The following SNX29 variants were observed in gnomAD, a reference collection of about 807,000 sequenced individuals.
SNX29 encodes the protein sorting nexin 29.
Under a neutral mutation model 102.1 loss-of-function variants are expected in SNX29, and 78 were observed. The observed-to-expected ratio is 0.76, with a 90% CI of 0.64 to 0.92. The LOEUF is 0.92. Among genes scored for constraint, SNX29 ranks in the 40% least tolerant of loss-of-function variants. The probability of loss-of-function intolerance (pLI) is 0.00; values close to 1 mark genes in which losing one functional copy is unlikely to be tolerated. For missense variants in SNX29, 1,280 were observed against 1,061.7 expected (o/e 1.21, Z -2.86); for synonymous variants, 580 against 414.5 (o/e 1.40, Z -4.85).
intron 20 of SNX29, among the ~76,000 whole-genome samples, chr16:12,543,944 C>T (rs574200763): frequency 7.2e-5 from 11 of 152,280 alleles, no homozygotes; most frequent in South Asian, 2.1e-4. Flanking sequence ...TCGTTCTAAG[C>T]GAGGAGCCTA....
At chr16:12,231,934 T>G (rs2077782610) in intron 14 of SNX29, among the ~76,000 whole-genome samples, 1 of 152,258 alleles carries the variant, frequency 6.6e-6, no homozygotes, top group African/African-American at 2.4e-5. Context: ...GCTCATTTCC[T>G]TGGCCTATGT....
chr16:12,553,795 T>G (rs111330975), intron 20 of SNX29, among the ~76,000 whole-genome samples: 11 of 151,822 alleles, frequency 7.2e-5, no homozygotes, highest in African/African-American at 2.7e-4. Context: ...ACCATGTTGG[T>G]CAGGCTAGTC....
At chr16:12,264,842 A>C (rs1567374017) in intron 14 of SNX29, among the ~76,000 whole-genome samples, 1 of 151,730 alleles carries the variant, frequency 6.6e-6, no homozygotes, top group Non-Finnish European at 1.5e-5. Flanking sequence ...TCCATATCCC[A>C]GGGCACAACA....
chr16:12,333,019 A>C (rs1382788188), intron 15 of SNX29, among the ~76,000 whole-genome samples: 3 of 152,120 alleles, frequency 2.0e-5, no homozygotes, highest in Non-Finnish European at 4.4e-5. Flanking sequence ...AAGGGAGGAA[A>C]GAATGAAGGG....
chr16:12,037,128 C>T (rs1339019420), intron 4 of SNX29, among the ~76,000 whole-genome samples: 1 of 152,140 alleles, frequency 6.6e-6, no homozygotes, highest in African/African-American at 2.4e-5. Flanking sequence ...TCGGCACACT[C>T]CCTCCTTACG....
intron 14 of SNX29, among the ~76,000 whole-genome samples, chr16:12,275,704 T>G (rs78522088): frequency 1.3e-5 from 2 of 151,546 alleles, no homozygotes; most frequent in Non-Finnish European, 2.9e-5. Context: ...TTTTTTTTTT[T>G]TGTGAGCGAT....
intron 20 of SNX29, among the ~76,000 whole-genome samples, chr16:12,554,966 G>GA (rs1329506190): frequency 2.7e-5 from 4 of 150,110 alleles, no homozygotes; most frequent in Non-Finnish European, 5.9e-5. Flanking sequence ...TGGAGGTGGT[G>GA]AGGGGGGTCA....
chr16:12,255,017 A>C (rs1262206465), intron 14 of SNX29, among the ~76,000 whole-genome samples: 2 of 152,184 alleles, frequency 1.3e-5, no homozygotes, highest in African/African-American at 2.4e-5. Context: ...CATCAGCTGT[A>C]TTGAAGTATC....
At chr16:12,509,608 T>G (rs1436939481) in intron 19 of SNX29, among the ~76,000 whole-genome samples, 4 of 152,192 alleles carry the variant, frequency 2.6e-5, no homozygotes, top group Non-Finnish European at 5.9e-5. Flanking sequence ...TTTTTTCTCT[T>G]TGGACCTCAG....
intron 18 of SNX29, among the ~76,000 whole-genome samples, chr16:12,412,514 A>G (rs1349053648): frequency 6.6e-6 from 1 of 152,160 alleles, no homozygotes; most frequent in African/African-American, 2.4e-5. Context: ...CACGGGAGAG[A>G]GCGCTGCAAA....
chr16:12,373,851 A>G (rs907788126), intron 16 of SNX29: 4 of 152,222 alleles, frequency 2.6e-5, no homozygotes, highest in Admixed American at 6.5e-5. Context: ...GATGGTCAAC[A>G]CTGCTGTTTT....
chr16:11,977,336 C>T (rs1452974605), intron 1 of SNX29: 1 of 154,114 alleles, frequency 6.5e-6, no homozygotes, highest in African/African-American at 2.4e-5. Context: ...CAGAGGAGCT[C>T]AATTCTGCAA....
chr16:12,070,470 T>A (rs1284812796), intron 10 of SNX29, among the ~76,000 whole-genome samples: 1 of 151,882 alleles, frequency 6.6e-6, no homozygotes, highest in Non-Finnish European at 1.5e-5. Flanking sequence ...GAATGATGAT[T>A]TCCAGTTTCA....
At chr16:12,496,529 T>TTTTCC (rs1384093862) in intron 19 of SNX29, among the ~76,000 whole-genome samples, 16 of 139,860 alleles carry the variant, frequency 1.1e-4, no homozygotes, top group African/African-American at 4.2e-4. Context: ...TTTTTTTTTT[T>TTTTCC]AAACCTAGTC....
At chr16:12,458,153 G>T (rs1422577110) in intron 18 of SNX29, among the ~76,000 whole-genome samples, 2 of 152,216 alleles carry the variant, frequency 1.3e-5, no homozygotes, top group Non-Finnish European at 2.9e-5. Context: ...CTTGGGCTCT[G>T]CACTGCACGT....
At chr16:12,136,595 C>T (rs78663049) in intron 13 of SNX29, among the ~76,000 whole-genome samples, 2 of 152,366 alleles carry the variant, frequency 1.3e-5, no homozygotes, top group East Asian at 1.9e-4. Flanking sequence ...TGGCGCCGCC[C>T]TCTGCGCACT....
At chr16:12,522,108 G>GCTT (rs1314049796) in intron 19 of SNX29, among the ~76,000 whole-genome samples, 3 of 152,372 alleles carry the variant, frequency 2.0e-5, no homozygotes, top group East Asian at 3.9e-4. Flanking sequence ...CCCACCTGGT[G>GCTT]CTTGCAAGAG....
At chr16:12,522,692 C>T (rs1597724710) in intron 19 of SNX29, among the ~76,000 whole-genome samples, 1 of 152,274 alleles carries the variant, frequency 6.6e-6, no homozygotes, top group East Asian at 1.9e-4. Flanking sequence ...TTGCCTTCCA[C>T]CATGATTGTA....
chr16:12,554,975 C>A (rs371578571), intron 20 of SNX29, among the ~76,000 whole-genome samples: 1 of 150,546 alleles, frequency 6.6e-6, no homozygotes, highest in Non-Finnish European at 1.5e-5. Context: ...TGAGGGGGGT[C>A]AGTCAGCCGG....
Sources: allele counts gnomAD v4.1 joint callset (sites outside exome capture counted in the v4.1 genomes callset), GRCh38; gene constraint gnomAD v4.1.1; transcripts MANE v1.5; gene names NCBI Gene and HGNC (gene_info 2026-07-23, HGNC 2026-07-21).